Variants in GRM1 observed in about 807,000 individuals in gnomAD.
GRM1 encodes the protein glutamate metabotropic receptor 1, also known as metabotropic glutamate receptor 1.
Under a neutral mutation model 90.9 loss-of-function variants are expected in GRM1, and 33 were observed. The ratio of observed to expected loss-of-function variants is 0.36; its 90% CI spans 0.28 to 0.49. The LOEUF (loss-of-function observed/expected upper bound fraction) is 0.49. Ranked by LOEUF, GRM1 falls within the 20% of genes least tolerant of loss-of-function variation. The pLI, the probability that GRM1 is intolerant of heterozygous loss-of-function variation, is 0.99. For synonymous variants in GRM1, 700 were observed against 613.2 expected (o/e 1.14, Z -2.09); for missense variants, 1,190 against 1,534.3 (o/e 0.78, Z 3.75).
chr6:146,209,590 T>C (rs564857597), intron 2 of GRM1, among the ~76,000 whole-genome samples: 11 of 152,226 alleles, frequency 7.2e-5, no homozygotes, highest in African/African-American at 2.6e-4. Context: ...GAAAGATTCA[T>C]GGAAAATGGT....
chr6:146,052,481 G>A (rs1431830761), intron 1 of GRM1, among the ~76,000 whole-genome samples: 1 of 151,940 alleles, frequency 6.6e-6, no homozygotes, highest in East Asian at 1.9e-4. Context: ...AGGATGGGGA[G>A]TTAGGGAGAG....
At chr6:146,401,361 A>G (rs1432517172) in intron 7 of GRM1, among the ~76,000 whole-genome samples, 1 of 152,092 alleles carries the variant, frequency 6.6e-6, no homozygotes, top group East Asian at 1.9e-4. Context: ...AACTCCCCTC[A>G]GGAGCAAACT....
intron 2 of GRM1, among the ~76,000 whole-genome samples, chr6:146,202,818 A>C (rs1779348213): frequency 6.6e-6 from 1 of 152,190 alleles, no homozygotes; most frequent in Non-Finnish European, 1.5e-5. Flanking sequence ...AAAACTTTTT[A>C]AAAATTAGTC....
rs1374728919 is a variant in GRM1, at chr6:146,030,003, C to T, written c.486C>T (p.Pro162=). 3.7e-6 allele frequency: 6 copies of T among 1,614,014 alleles called. No individual in the cohort carries two copies. The highest frequency in any genetic ancestry group is 3.4e-6 in the Non-Finnish European group (4 of 1,180,014). ...TKKPIAGVIG[P]GSSSVAIQVQ... ...AGCCCATTGCGGGAGTGATCGGTCC[C>T]GGCTCCAGCTCTGTAGCCATTCAAG... The change falls in exon 1 of 8, where the codon CCC becomes CCT. Residue 162 remains proline (P), a synonymous_variant. Transcript: ENST00000282753.
rs78367593 is a variant in GRM1 at position 146,431,312 on chromosome 6, C to T, written c.2661-2560C>T. 1.3e-3 allele frequency among the ~76,000 whole-genome samples: 205 copies of T among 152,174 alleles called. 4 individuals carry two copies. In the East Asian group the frequency reaches 0.033, roughly 25 times the overall value. ...CAATAAAAATTGGATTTAATTAAAA[C>T]AGAACTAAATTCTGATTATATCTGT... On this transcript the variant is annotated intron_variant, in intron 7 of 7. Coordinates refer to ENST00000282753, the MANE Select transcript of GRM1 (RefSeq NM_001278064.2).
At chr6:146,095,086 A>C (rs1411915214) in intron 1 of GRM1, among the ~76,000 whole-genome samples, 1 of 152,168 alleles carries the variant, frequency 6.6e-6, no homozygotes, top group African/African-American at 2.4e-5. Flanking sequence ...GTCACTGTCC[A>C]TAGAGTGAGT....
rs1032806379 is a variant in GRM1 at position 146,283,824 on chromosome 6, A to T, written c.951-20787A>T. ...AATTTCACCTTTACAGGCTTCCAGG[A>T]TCCACATGCTTCACCACAATGCAGA... is the stretch of plus-strand genomic sequence containing the variant. On this transcript the variant is annotated intron_variant, in intron 2 of 7. Transcript: ENST00000282753. 4.5e-4 allele frequency among the ~76,000 whole-genome samples: 69 copies of T among 152,174 alleles called. 1 individual carries two copies. Among genetic ancestry groups the T allele is most frequent in the Non-Finnish European group, 1.9e-4 (13 of 68,026 alleles).
intron 6 of GRM1, among the ~76,000 whole-genome samples, chr6:146,388,909 T>C (rs946327527): frequency 2.6e-5 from 4 of 152,108 alleles, no homozygotes; most frequent in Admixed American, 6.6e-5. Context: ...AGTTGGTTAA[T>C]AGAAAAACCA....
intron 5 of GRM1, among the ~76,000 whole-genome samples, chr6:146,380,808 G>C (rs1583416067): frequency 1.3e-5 from 2 of 152,150 alleles, no homozygotes; most frequent in African/African-American, 4.8e-5. Flanking sequence ...GGTTATACAG[G>C]GCCCAAGGGC....
At chr6:146,077,351 T>C (rs1284788330) in intron 1 of GRM1, among the ~76,000 whole-genome samples, 1 of 152,212 alleles carries the variant, frequency 6.6e-6, no homozygotes, top group Non-Finnish European at 1.5e-5. Flanking sequence ...TGGTACAGGA[T>C]GGTTAGCTCC....
intron 3 of GRM1, among the ~76,000 whole-genome samples, chr6:146,312,777 T>G (rs1415667316): frequency 6.6e-6 from 1 of 152,228 alleles, no homozygotes; most frequent in Non-Finnish European, 1.5e-5. Context: ...TTGTTGAATA[T>G]CCTGACGAAT....
chr6:146,350,342 A>G (rs1394639367), intron 3 of GRM1, among the ~76,000 whole-genome samples: 1 of 152,014 alleles, frequency 6.6e-6, no homozygotes, highest in African/African-American at 2.4e-5. Context: ...ATTTATTCTG[A>G]TATTTTTCTA....
At chr6:146,193,336 T>C (rs1274738030) in intron 2 of GRM1, among the ~76,000 whole-genome samples, 1 of 152,116 alleles carries the variant, frequency 6.6e-6, no homozygotes, top group Non-Finnish European at 1.5e-5. Flanking sequence ...AGAGAAGGGA[T>C]GTTGTCCAAG....
chr6:146,266,667 A>G (rs183196271), intron 2 of GRM1, among the ~76,000 whole-genome samples: 1 of 152,192 alleles, frequency 6.6e-6, no homozygotes, highest in African/African-American at 2.4e-5. Flanking sequence ...TTCTCTTTGT[A>G]ACTTGTTCAA....
chr6:146,333,191 G>A (rs1784644823), intron 3 of GRM1, among the ~76,000 whole-genome samples: 1 of 152,104 alleles, frequency 6.6e-6, no homozygotes, highest in Non-Finnish European at 1.5e-5. Flanking sequence ...GTTGTCATTT[G>A]GTAGGATTCA....
intron 1 of GRM1, among the ~76,000 whole-genome samples, chr6:146,087,631 A>G (rs1162009027): frequency 6.6e-6 from 1 of 152,128 alleles, no homozygotes; most frequent in Non-Finnish European, 1.5e-5. Flanking sequence ...GGCAACCACG[A>G]ATCTGTTTTC....
intron 3 of GRM1, among the ~76,000 whole-genome samples, chr6:146,339,128 C>T (rs370440431): frequency 1.3e-5 from 2 of 152,198 alleles, no homozygotes; most frequent in Admixed American, 6.5e-5. Flanking sequence ...GTATTAAATT[C>T]TTGTTCTCTT....
intron 2 of GRM1, among the ~76,000 whole-genome samples, chr6:146,189,878 A>C (rs930382743): frequency 6.6e-6 from 1 of 152,214 alleles, no homozygotes; most frequent in Non-Finnish European, 1.5e-5. Flanking sequence ...AACTAATCAA[A>C]ATCTTCACTG....
chr6:146,169,215 C>A (rs1054409645), intron 2 of GRM1, among the ~76,000 whole-genome samples: 9 of 152,104 alleles, frequency 5.9e-5, no homozygotes, highest in Non-Finnish European at 1.3e-4. Flanking sequence ...CCGTTAATCC[C>A]ATCATGTAAT....
Sources: gnomAD v4.1 joint callset for allele counts (sites outside exome capture counted in the v4.1 genomes callset) on GRCh38, gnomAD v4.1.1 for gene constraint, MANE v1.5 for transcripts, NCBI Gene and HGNC (gene_info 2026-07-23, HGNC 2026-07-21) for gene names.